Variants in LRP8 observed in about 807,000 individuals in gnomAD.
LRP8 encodes the protein LDL receptor related protein 8, also known as low-density lipoprotein receptor-related protein 8.
LRP8 carries 46 observed loss-of-function variants against 111.6 expected under a neutral mutation model. The observed-to-expected ratio is 0.41, with a 90% CI of 0.33 to 0.53. LRP8 has a LOEUF of 0.53. Ranked by LOEUF, LRP8 falls within the 20% of genes least tolerant of loss-of-function variation. The pLI, the probability that LRP8 is intolerant of heterozygous loss-of-function variation, is 0.20. For synonymous variants in LRP8, 464 were observed against 511.2 expected (o/e 0.91, Z 1.24); for missense variants, 959 against 1,297.4 (o/e 0.74, Z 4.01).
chr1:53,316,363 G>C (rs966524959), intron 2 of LRP8, among the ~76,000 whole-genome samples: 1 of 152,166 alleles, frequency 6.6e-6, no homozygotes, highest in Non-Finnish European at 1.5e-5. Context: ...AGCTGATGTA[G>C]AGTCTGCTCT....
chr1:53,274,022 A>G (rs1646841313), intron 6 of LRP8, among the ~76,000 whole-genome samples: 1 of 152,064 alleles, frequency 6.6e-6, no homozygotes, highest in South Asian at 2.1e-4. Flanking sequence ...CTGGGTTTCT[A>G]GCATGTTCTC....
chr1:53,271,177 A>G, intron 7 of LRP8, 24 bp from the exon 8 acceptor site: 1 of 1,613,932 alleles, frequency 6.2e-7, no homozygotes, highest in Non-Finnish European at 8.5e-7. Flanking sequence ...CAGGAGTCAG[A>G]ACCAGCAGGA....
At chr1:53,267,719 T>A (rs2100396218) in intron 8 of LRP8, 1 of 152,364 alleles carries the variant, frequency 6.6e-6, no homozygotes, top group Non-Finnish European at 1.5e-5. Context: ...GGTTAGATTT[T>A]AAGATGATAA....
At position 53,262,058 on chromosome 1, in the gene LRP8, CA is replaced by C; in HGVS notation, c.1914+9del. 3.7e-6 allele frequency: 6 copies of C among 1,614,028 alleles called. No individual in the cohort carries two copies. On this transcript the variant is annotated intron_variant, in intron 12 of 18. Coordinates refer to ENST00000306052, the MANE Select transcript of LRP8 (RefSeq NM_004631.5). This position sits in a 1 kb window ranked among gnomAD's most constrained non-coding sequence, Gnocchi z 4.8. Reference sequence around the variant, plus strand: ...CCTAGTGGGCCCTTGCCTCTCCTTACAGGACTCACCTCAAACACAGCTATCC... The same window carrying C: ...CCTAGTGGGCCCTTGCCTCTCCTTACGGACTCACCTCAAACACAGCTATCC...
chr1:53,326,363 TCC>T (rs1655124688), intron 2 of LRP8, among the ~76,000 whole-genome samples: 1 of 152,132 alleles, frequency 6.6e-6, no homozygotes, highest in Non-Finnish European at 1.5e-5. Context: ...GATTGGCCGC[TCC>T]GGCCACGGGG....
rs1187718173 is a variant in LRP8, at chr1:53,279,014, C to T, written c.496+1573G>A. On this transcript the variant is annotated intron_variant, in intron 4 of 18. Transcript: ENST00000306052. This position sits in a 1 kb window ranked among gnomAD's most constrained non-coding sequence, Gnocchi z 4.4. Reference sequence around the variant, plus strand: ...GACCTCGTGATCCTCCTGCCTCGGCCTCCCAAAGTGCTGGGATTACAGGCA... The same window carrying T: ...GACCTCGTGATCCTCCTGCCTCGGCTTCCCAAAGTGCTGGGATTACAGGCA... Among the ~76,000 whole-genome samples, 1 of 151,728 alleles carries T rather than the reference C, an allele frequency of 6.6e-6. No homozygotes were observed. The highest frequency in any genetic ancestry group is 1.5e-5 in the Non-Finnish European group (1 of 67,936).
intron 14 of LRP8, among the ~76,000 whole-genome samples, 156 bp from the exon 15 acceptor site, chr1:53,257,620 C>A (rs1646150381): frequency 6.6e-6 from 1 of 152,176 alleles, no homozygotes; most frequent in Non-Finnish European, 1.5e-5. Context: ...ATGATCTTTT[C>A]TTTAGCTGAA....
intron 2 of LRP8, among the ~76,000 whole-genome samples, chr1:53,321,279 TC>T (rs374036242): frequency 1.1e-3 from 175 of 152,220 alleles, no homozygotes; most frequent in African/African-American, 4.1e-3. Flanking sequence ...GGAAGTGGCA[TC>T]CCTGCCAGGC....
chr1:53,297,869 A>T (rs1650047382), intron 2 of LRP8, among the ~76,000 whole-genome samples: 1 of 152,154 alleles, frequency 6.6e-6, no homozygotes, highest in South Asian at 2.1e-4. Flanking sequence ...CTTTGCCCCA[A>T]AACACCAAGG....
At chr1:53,254,307 C>G (rs1156725362) in intron 16 of LRP8, among the ~76,000 whole-genome samples, 1 of 151,966 alleles carries the variant, frequency 6.6e-6, no homozygotes, top group Non-Finnish European at 1.5e-5. Flanking sequence ...TCTAAACCCA[C>G]CCCACCCTGA....
intron 2 of LRP8, among the ~76,000 whole-genome samples, chr1:53,313,351 C>A (rs1015584008): frequency 6.6e-6 from 1 of 152,134 alleles, no homozygotes; most frequent in African/African-American, 2.4e-5. Flanking sequence ...CAGTCATGTG[C>A]GGCAAGAGGG....
chr1:53,269,116 G>A (rs1646677331), intron 8 of LRP8, among the ~76,000 whole-genome samples: 1 of 152,174 alleles, frequency 6.6e-6, no homozygotes, highest in South Asian at 2.1e-4. Context: ...GCTGCCCCAA[G>A]CCACCTCTCT....
At chr1:53,323,721 A>G (rs1310938145) in intron 2 of LRP8, among the ~76,000 whole-genome samples, 1 of 152,204 alleles carries the variant, frequency 6.6e-6, no homozygotes, top group African/African-American at 2.4e-5. Context: ...GAGGCTCGGG[A>G]CTTAGAAGGC....
chr1:53,309,426 A>G (rs1652593060), intron 2 of LRP8, among the ~76,000 whole-genome samples: 1 of 152,166 alleles, frequency 6.6e-6, no homozygotes, highest in Non-Finnish European at 1.5e-5. Flanking sequence ...AGGGCCTGCC[A>G]AGACGCCCCT....
Position 53,250,806 on chromosome 1 carries a change from T to C in LRP8, c.2560A>G (p.Lys854Glu). 1 of 1,614,136 alleles carries C rather than the reference T, an allele frequency of 6.2e-7. No individual in the cohort carries two copies. The highest frequency in any genetic ancestry group is 8.5e-7 in the Non-Finnish European group (1 of 1,180,024). Reference protein sequence around the residue: ...GYLIWRNWKRKNTKSMNFDNP... With the variant: ...GYLIWRNWKRENTKSMNFDNP... Reference sequence around the variant, plus strand: ...TCAAAATTCATGCTTTTGGTGTTCTTCCGCTTCCAGTTTCTCCAGATCAGG... The same window carrying C: ...TCAAAATTCATGCTTTTGGTGTTCTCCCGCTTCCAGTTTCTCCAGATCAGG... The change falls in exon 17 of 19, where the codon AAG becomes GAG. Residue 854 changes from lysine to glutamate, a missense_variant. By Grantham distance (56) the Lys-to-Glu change is moderately conservative. This residue lies in a region of LRP8 where 819 missense variants were observed against 1,097.6 expected (regional missense o/e 0.75). Coordinates refer to ENST00000306052, the MANE Select transcript of LRP8 (RefSeq NM_004631.5). The surrounding 1 kb of genome is among the most constrained non-coding windows in gnomAD (Gnocchi z 4.6).
At chr1:53,297,717 T>C (rs974965535) in intron 2 of LRP8, among the ~76,000 whole-genome samples, 5 of 151,834 alleles carry the variant, frequency 3.3e-5, no homozygotes, top group Non-Finnish European at 5.9e-5. Context: ...TCGGGAAGAG[T>C]TTCCCTCAAA....
At chr1:53,260,339 A>G (rs1401883791) in intron 13 of LRP8, 125 bp downstream of exon 13, 4 of 811,946 alleles carry the variant, frequency 4.9e-6, no homozygotes, top group Non-Finnish European at 8.1e-6. Flanking sequence ...AACAAGAGGG[A>G]TTGTTGTTAT....
intron 12 of LRP8, 27 bp from the exon 13 acceptor site, chr1:53,260,632 G>C: frequency 6.2e-7 from 1 of 1,609,876 alleles, no homozygotes; most frequent in Non-Finnish European, 8.5e-7. Flanking sequence ...CAGAGGATGG[G>C]AGGCCTGGAG....
In LRP8 at chr1:53,257,382, G is replaced by T. The variant is rs1217879591; in HGVS notation, c.2292C>A (p.Thr764=). 2 of 1,614,176 alleles carry T rather than the reference G, an allele frequency of 1.2e-6. No homozygotes were observed. The highest frequency in any genetic ancestry group is 8.5e-7 in the Non-Finnish European group (1 of 1,180,012). The change falls in exon 15 of 19, where the codon ACC becomes ACA. Residue 764 remains threonine (T), a synonymous_variant. Transcript: ENST00000306052. The part of the protein sequence containing the change: ...VPATTRAPGT[T]VHRSTYQNHS... ...GGTTCTGGTAGGTGGATCTGTGGAC[G>T]GTGGTCCCGGGGGCTCTTGTGGTGG...
Sources: allele counts gnomAD v4.1 joint callset (sites outside exome capture counted in the v4.1 genomes callset), GRCh38; gene constraint gnomAD v4.1.1; regional missense constraint gnomAD v4.1.1; non-coding constraint Gnocchi (gnomAD v3.1); transcripts MANE v1.5; gene names NCBI Gene and HGNC (gene_info 2026-07-23, HGNC 2026-07-21).